The following CCDC6 variants were observed in gnomAD, a reference collection of about 807,000 sequenced individuals.
CCDC6 encodes coiled-coil domain-containing protein 6.
CCDC6 carries 20 observed loss-of-function variants against 56.6 expected under a neutral mutation model. That is an observed-to-expected ratio of 0.35 (90% CI 0.25 to 0.51). CCDC6 has a LOEUF of 0.51. CCDC6 is among the 20% of genes least tolerant of loss of function. The pLI is 0.95. For synonymous variants in CCDC6, 241 were observed against 234.4 expected (o/e 1.03, Z -0.26); for missense variants, 367 against 601.1 (o/e 0.61, Z 4.07).
At chr10:59,882,404 C>CGGGGGG (rs2071347086) in intron 1 of CCDC6, among the ~76,000 whole-genome samples, 1 of 1,474 alleles carries the variant, frequency 6.8e-4, no homozygotes, top group African/African-American at 2.7e-3. Context: ...AAAGGAAAGC[C>CGGGGGG]AGGGGGAGAA....
intron 3 of CCDC6, among the ~76,000 whole-genome samples, chr10:59,815,913 TA>T (rs2070706703): frequency 6.6e-6 from 1 of 152,210 alleles, no homozygotes; most frequent in Admixed American, 6.5e-5. Context: ...TGTAGTCTTT[TA>T]AAGCAATCAA....
chr10:59,862,783 GA>G (rs2071145598), intron 1 of CCDC6, among the ~76,000 whole-genome samples: 1 of 151,926 alleles, frequency 6.6e-6, no homozygotes, highest in Non-Finnish European at 1.5e-5. Flanking sequence ...AGATCAGTGG[GA>G]ATTCTTATAT....
chr10:59,838,828 G>T (rs2070909221), intron 2 of CCDC6, among the ~76,000 whole-genome samples: 1 of 151,976 alleles, frequency 6.6e-6, no homozygotes, highest in African/African-American at 2.4e-5. Flanking sequence ...CTGCCTATAG[G>T]GTCTGAATCC....
At chr10:59,799,342 C>T (rs544057522) in intron 7 of CCDC6, among the ~76,000 whole-genome samples, 136 of 152,106 alleles carry the variant, frequency 8.9e-4, no homozygotes, top group Middle Eastern at 3.4e-3. Context: ...GTAATCCCAG[C>T]TTAAACCCAG....
At chr10:59,874,083 C>T (rs898738518) in intron 1 of CCDC6, among the ~76,000 whole-genome samples, 5 of 150,384 alleles carry the variant, frequency 3.3e-5, no homozygotes, top group African/African-American at 7.3e-5. Flanking sequence ...ATGTCCGAAG[C>T]GTAGACATTC....
intron 1 of CCDC6, among the ~76,000 whole-genome samples, chr10:59,885,912 C>A (rs1186624492): frequency 6.4e-5 from 2 of 31,342 alleles, no homozygotes; most frequent in African/African-American, 2.5e-4. Flanking sequence ...TATTTCCAAC[C>A]CCGCCCCCCG....
At chr10:59,801,932 C>G (rs1178575543) in intron 7 of CCDC6, among the ~76,000 whole-genome samples, 1 of 152,126 alleles carries the variant, frequency 6.6e-6, no homozygotes, top group African/African-American at 2.4e-5. Flanking sequence ...ACATTCAGTG[C>G]CCCAGCTCTA....
intron 1 of CCDC6, among the ~76,000 whole-genome samples, chr10:59,854,384 G>A (rs2071063477): frequency 6.6e-6 from 1 of 152,148 alleles, no homozygotes; most frequent in African/African-American, 2.4e-5. Context: ...GCCACACATA[G>A]TACACAGACT....
chr10:59,854,313 G>A (rs1230708336), intron 1 of CCDC6, among the ~76,000 whole-genome samples: 1 of 152,122 alleles, frequency 6.6e-6, no homozygotes, highest in Non-Finnish European at 1.5e-5. Flanking sequence ...CCCCATCACT[G>A]TGGCCCTAGA....
chr10:59,798,514 T>G (rs2070543631), intron 7 of CCDC6, among the ~76,000 whole-genome samples: 1 of 152,198 alleles, frequency 6.6e-6, no homozygotes, highest in Admixed American at 6.5e-5. Context: ...ATTTACAAAA[T>G]GGAGGTCTGG....
chr10:59,873,743 T>C (rs1278671342), intron 1 of CCDC6, among the ~76,000 whole-genome samples: 1 of 152,162 alleles, frequency 6.6e-6, no homozygotes, highest in Non-Finnish European at 1.5e-5. Flanking sequence ...TCAAAGTAAA[T>C]GCAGGTTTTT....
At position 59,852,708 on chromosome 10, in the gene CCDC6, T is replaced by TA. The variant is rs3215226; in HGVS notation, c.304-7dup. The stretch of plus-strand genomic sequence containing the variant: ...TCCTGCTCAGCCCTGGCTTGCTGTT[T>TA]AAAAAAAAAAAAGGAAAGAACAAAA... On this transcript the variant is annotated splice_polypyrimidine_tract_variant and splice_region_variant and intron_variant, in intron 1 of 8. Transcript: ENST00000263102. The TA allele has an allele frequency of 0.027, 31,615 of 1,177,810 alleles. No homozygotes were observed. Among genetic ancestry groups the TA allele is most frequent in the South Asian group, 0.033 (2,016 of 61,802 alleles). The allele number at this position is 1,177,810 out of a possible 1,614,324, so 73.0% of individuals were successfully genotyped here.
intron 1 of CCDC6, among the ~76,000 whole-genome samples, chr10:59,874,892 C>A (rs1327281244): frequency 2.0e-5 from 3 of 152,186 alleles, no homozygotes; most frequent in Non-Finnish European, 4.4e-5. Flanking sequence ...CCCTGTCACA[C>A]TCTGATTTTA....
At position 59,792,969 on chromosome 10, in the gene CCDC6, G is replaced by A; in HGVS notation, c.1373C>T (p.Thr458Ile). The change falls in exon 9 of 9, where the codon ACC becomes ATC. Residue 458 changes from threonine to isoleucine, a missense_variant. Thr to Ile is a moderately conservative substitution (Grantham distance 89). Around this residue, in one of 7 missense-constraint regions of CCDC6, gnomAD observed 54 missense variants for 60.0 expected, o/e 0.90. Transcript: ENST00000263102. ...ATGTTGCGAAGGAGTAGGCTGCGAG[G>A]TGGCTGCTGAGGGGACCGTGGGCTG... ...PMQPTVPSAA[T>I]SQPTPSQHSA... is the part of the protein sequence containing the mutation. 6 of 1,612,694 alleles carry A rather than the reference G, an allele frequency of 3.7e-6. No individual in the cohort carries two copies. Among genetic ancestry groups the A allele is most frequent in the Non-Finnish European group, 4.2e-6 (5 of 1,179,082 alleles).
At chr10:59,821,079 A>C (rs1349982069) in intron 3 of CCDC6, among the ~76,000 whole-genome samples, 1 of 152,218 alleles carries the variant, frequency 6.6e-6, no homozygotes, top group African/African-American at 2.4e-5. Flanking sequence ...ACATCACCTG[A>C]GAAAATATAA....
intron 1 of CCDC6, among the ~76,000 whole-genome samples, chr10:59,888,164 G>C (rs1290068730): frequency 6.6e-6 from 1 of 152,144 alleles, no homozygotes; most frequent in Non-Finnish European, 1.5e-5. Context: ...TTCCTGTCTG[G>C]TGCTCTCCAG....
chr10:59,906,396 G>A lies in CCDC6; in HGVS notation c.29C>T (p.Thr10Met). ...GCTGCTGTTGCCCCCCGCCCCGTCC[G>A]TGTCGCTCTCGCTGGCGCTGTCCGC... is the stretch of plus-strand genomic sequence containing the variant. MADSASESD[T>M]DGAGGNSSSS... The change falls in exon 1 of 9, where the codon ACG (threonine) becomes ATG (methionine). Residue 10 changes from threonine (T) to methionine (M), a missense_variant. Coordinates refer to ENST00000263102, the MANE Select transcript of CCDC6 (RefSeq NM_005436.5). 1 of 1,581,148 alleles carries A rather than the reference G, an allele frequency of 6.3e-7. No homozygotes were observed. The highest frequency in any genetic ancestry group is 1.1e-5 in the South Asian group (1 of 88,928).
At chr10:59,879,195 C>T (rs941237639) in intron 1 of CCDC6, among the ~76,000 whole-genome samples, 2 of 152,094 alleles carry the variant, frequency 1.3e-5, no homozygotes, top group African/African-American at 4.8e-5. Context: ...ACAAGGCAAC[C>T]CCAGTCACTT....
At chr10:59,897,456 T>C (rs2071472243) in intron 1 of CCDC6, among the ~76,000 whole-genome samples, 1 of 152,132 alleles carries the variant, frequency 6.6e-6, no homozygotes, top group South Asian at 2.1e-4. Flanking sequence ...GGTTTCTCCA[T>C]GTTAGTCAGG....
Sources: gnomAD v4.1 joint callset for allele counts (sites outside exome capture counted in the v4.1 genomes callset) on GRCh38, gnomAD v4.1.1 for gene constraint, gnomAD v4.1.1 regional missense constraint, MANE v1.5 for transcripts, NCBI Gene and HGNC (gene_info 2026-07-23, HGNC 2026-07-21) for gene names.